ZNF622: variants seen among roughly 807,000 people sequenced by gnomAD.
ZNF622 encodes zinc finger protein 622, also known as cytoplasmic 60S subunit biogenesis factor ZNF622.
Under a neutral mutation model 49.7 loss-of-function variants are expected in ZNF622, and 34 were observed. That is an observed-to-expected ratio of 0.68 (90% CI 0.52 to 0.91). ZNF622 has a LOEUF of 0.91. ZNF622 is among the 40% of genes least tolerant of loss of function. The pLI is 0.00. For missense variants in ZNF622, 569 were observed against 616.4 expected, an observed-to-expected ratio of 0.92 and a Z score of 0.81; for synonymous variants, 209 against 228.7, an observed-to-expected ratio of 0.91 and a Z score of 0.78.
At chr5:16,464,708 C>A (rs910417653) in intron 1 of ZNF622, among the ~76,000 whole-genome samples, 1 of 152,206 alleles carries the variant, frequency 6.6e-6, no homozygotes, top group African/African-American at 2.4e-5. Context: ...GCAAATTACA[C>A]GGCAGCTGGT....
intron 3 of ZNF622, among the ~76,000 whole-genome samples, chr5:16,461,770 A>AG (rs1434154181): frequency 6.6e-6 from 1 of 152,216 alleles, no homozygotes; most frequent in Admixed American, 6.5e-5. Flanking sequence ...TCAAGGAGGC[A>AG]GCTGGATATC....
At chr5:16,453,553 T>C (rs949126277) in intron 4 of ZNF622, among the ~76,000 whole-genome samples, 2 of 100,730 alleles carry the variant, frequency 2.0e-5, no homozygotes, top group Non-Finnish European at 4.3e-5. Flanking sequence ...TATAAATAAA[T>C]AAAAATTATA....
intron 4 of ZNF622, among the ~76,000 whole-genome samples, chr5:16,454,802 C>T (rs1013969301): frequency 2.0e-5 from 3 of 152,176 alleles, no homozygotes; most frequent in African/African-American, 4.8e-5. Context: ...GCTGCAGAGA[C>T]AGAATTGCAC....
intron 5 of ZNF622, among the ~76,000 whole-genome samples, chr5:16,452,375 A>C (rs980875170): frequency 2.0e-5 from 3 of 152,184 alleles, no homozygotes; most frequent in Non-Finnish European, 4.4e-5. Flanking sequence ...AGAGTACCAT[A>C]CTGATGAGGT....
chr5:16,461,014 T>C (rs1020677965), intron 3 of ZNF622, among the ~76,000 whole-genome samples: 1 of 151,436 alleles, frequency 6.6e-6, no homozygotes, highest in Admixed American at 6.6e-5. Context: ...TAAGGAAAAA[T>C]AAAACAGGAT....
At chr5:16,455,650 G>A (rs916397821) in intron 4 of ZNF622, among the ~76,000 whole-genome samples, 4 of 152,310 alleles carry the variant, frequency 2.6e-5, no homozygotes, top group East Asian at 1.9e-4. Flanking sequence ...TCACTGTGAT[G>A]TTCTATTTGT....
rs115118320 is a variant in ZNF622, at chr5:16,454,955, G to T, written c.1163-1799C>A. Among the ~76,000 whole-genome samples the T allele has an allele frequency of 9.4e-3, 1,436 of 152,292 alleles. 21 individuals are homozygous for T. Among genetic ancestry groups the T allele is most frequent in the African/African-American group, 0.033 (1,376 of 41,566 alleles). ...TCCCTCAGAGCAGTGGCTCTCCAAA[G>T]GTGGTCATCAGCATTGCAAAGCCAG... On this transcript the variant is annotated intron_variant, in intron 4 of 5. Coordinates refer to ENST00000308683, the MANE Select transcript of ZNF622 (RefSeq NM_033414.3).
Position 16,451,564 on chromosome 5 carries a change from G to A in ZNF622, c.*93C>T, listed in dbSNP as rs1737932729. 4 of 1,489,874 alleles carry A rather than the reference G, an allele frequency of 2.7e-6. No homozygotes were observed. Among genetic ancestry groups the A allele is most frequent in the South Asian group, 1.3e-5 (1 of 74,412 alleles). 92.3% of individuals were successfully genotyped at this position (1,489,874 alleles called of 1,614,324 possible). A position where few individuals can be genotyped will look rare whatever the true frequency, so the allele number is the denominator to read the frequency against. On this transcript the variant is annotated 3_prime_UTR_variant, in exon 6 of 6. Transcript: ENST00000308683. ...TTAGGTCAGAACGAATGAAGTAGCA[G>A]CAAAAGGGTCTCTCCTATGATCTGT...
intron 3 of ZNF622, among the ~76,000 whole-genome samples, chr5:16,461,275 C>A (rs1459214383): frequency 6.6e-6 from 1 of 152,256 alleles, no homozygotes; most frequent in African/African-American, 2.4e-5. Flanking sequence ...ACACTATGTG[C>A]AGGGCCTTGC....
intron 3 of ZNF622, 152 bp from the exon 4 acceptor site, chr5:16,458,781 G>A: frequency 3.6e-6 from 2 of 560,034 alleles, no homozygotes; most frequent in Non-Finnish European, 6.3e-6. Flanking sequence ...AAAGGTTTTG[G>A]GAGAAAACAA....
At chr5:16,460,406 G>T (rs559913928) in intron 3 of ZNF622, among the ~76,000 whole-genome samples, 2 of 152,108 alleles carry the variant, frequency 1.3e-5, no homozygotes, top group African/African-American at 2.4e-5. Flanking sequence ...CTTGTGAAGG[G>T]GAGTGAAATT....
At chr5:16,461,788 T>G (rs1738125199) in intron 3 of ZNF622, among the ~76,000 whole-genome samples, 1 of 152,138 alleles carries the variant, frequency 6.6e-6, no homozygotes. Flanking sequence ...ATCTTCAGTT[T>G]ACAGCTGAGG....
At chr5:16,455,906 T>C (rs1738017249) in intron 4 of ZNF622, among the ~76,000 whole-genome samples, 1 of 152,154 alleles carries the variant, frequency 6.6e-6, no homozygotes, top group Non-Finnish European at 1.5e-5. Flanking sequence ...CCACCTGATA[T>C]TAGCACCACG....
Position 16,451,749 on chromosome 5 carries a change from C to T in ZNF622, c.1342G>A (p.Val448Ile), listed in dbSNP as rs958943248. 1 of 1,614,088 alleles carries T rather than the reference C, an allele frequency of 6.2e-7. No homozygotes were observed. The highest frequency in any genetic ancestry group is 1.3e-5 in the African/African-American group (1 of 75,062). Residue 448 changes from valine (V) to isoleucine (I), a missense_variant, in exon 6 of 6, where the codon GTC becomes ATC. By Grantham distance (29) the Val-to-Ile change is conservative. Coordinates refer to ENST00000308683, the MANE Select transcript of ZNF622 (RefSeq NM_033414.3). ...ALMRERDMQY[V>I]QRMKSKWMLK... ...ATCCATTTTGATTTCATCCTTTGGACATACTGCATGTCTCGCTCTCGCATA... is the reference window on the plus strand; with the variant it reads ...ATCCATTTTGATTTCATCCTTTGGATATACTGCATGTCTCGCTCTCGCATA...
rs377506906 is a variant in ZNF622, at chr5:16,463,681, A to G, written c.687T>C (p.Asp229=). ...CCTCCTCTGCATCCTGCTCCACCAC[A>G]TCGTCCATTGCTTCAGTATCCTCAC... ...LECEDTEAMD[D]VVEQDAEEEE... Residue 229 remains aspartate, a synonymous_variant, in exon 2 of 6, where the codon GAT becomes GAC. Coordinates refer to ENST00000308683, the MANE Select transcript of ZNF622 (RefSeq NM_033414.3). The surrounding 1 kb of genome is among the most constrained non-coding windows in gnomAD (Gnocchi z 4.2). The G allele has an allele frequency of 6.2e-6, 10 of 1,614,128 alleles. No homozygotes were observed. Among genetic ancestry groups the G allele is most frequent in the Admixed American group, 3.3e-5 (2 of 60,010 alleles).
chr5:16,464,995 T>C (rs981331704), intron 1 of ZNF622, 46 bp downstream of exon 1: 1 of 1,525,002 alleles, frequency 6.6e-7, no homozygotes, highest in Non-Finnish European at 8.8e-7. Context: ...AACTTAAGGG[T>C]GGGCCAAGTT....
At chr5:16,453,562 TATATATA>T (rs1737969949) in intron 4 of ZNF622, among the ~76,000 whole-genome samples, 15 of 104,046 alleles carry the variant, frequency 1.4e-4, no homozygotes, top group African/African-American at 4.7e-4. Flanking sequence ...ATAAAAATTA[TATATATA>T]TATATATATA....
chr5:16,465,554 T>G lies in ZNF622; in HGVS notation c.112A>C (p.Ser38Arg), dbSNP rs1164903194. ...HRYNLRRKVA[S>R]MAPVTAEGFQ... is the part of the protein sequence containing the mutation. ...CCCTCGGCGGTCACTGGGGCCATGC[T>G]GGCCACCTTCCGCCGCAGGTTGTAG... Residue 38 changes from serine to arginine, a missense_variant, in exon 1 of 6, where the codon AGC becomes CGC. By Grantham distance (110) the Ser-to-Arg change is moderately radical (BLOSUM62 -1). Transcript: ENST00000308683. This position sits in a 1 kb window ranked among gnomAD's most constrained non-coding sequence, Gnocchi z 6.2. The G allele has an allele frequency of 6.2e-7, 1 of 1,613,680 alleles. No homozygotes were observed. The highest frequency in any genetic ancestry group is 1.3e-5 in the African/African-American group (1 of 74,960).
Position 16,465,465 on chromosome 5 carries a change from G to A in ZNF622, c.201C>T (p.Thr67=), listed in dbSNP as rs1158763089. 3.7e-6 allele frequency: 6 copies of A among 1,614,130 alleles called. No homozygotes were observed. The highest frequency in any genetic ancestry group is 1.7e-5 in the Admixed American group (1 of 60,016). The part of the protein sequence containing the change: ...VAEEESKGSA[T]YCTVCSKKFA... ...ACTTCTTACTGCAAACGGTGCAGTA[G>A]GTGGCCGAGCCCTTGCTCTCCTCCT... is the stretch of plus-strand genomic sequence containing the variant. The change falls in exon 1 of 6, where the codon ACC becomes ACT. Residue 67 remains threonine (T), a synonymous_variant. Coordinates refer to ENST00000308683, the MANE Select transcript of ZNF622 (RefSeq NM_033414.3). This position sits in a 1 kb window ranked among gnomAD's most constrained non-coding sequence, Gnocchi z 6.2.
Sources: allele counts gnomAD v4.1 joint callset (sites outside exome capture counted in the v4.1 genomes callset), GRCh38; gene constraint gnomAD v4.1.1; non-coding constraint Gnocchi (gnomAD v3.1); transcripts MANE v1.5; gene names NCBI Gene and HGNC (gene_info 2026-07-23, HGNC 2026-07-21).